The following MAN1C1 variants were observed in gnomAD, a reference collection of about 807,000 sequenced individuals.
MAN1C1 encodes the protein mannosyl-oligosaccharide 1,2-alpha-mannosidase IC.
A neutral mutation model predicts 71.5 loss-of-function variants in MAN1C1; 49 were observed. The ratio of observed to expected loss-of-function variants is 0.69; its 90% confidence interval spans 0.54 to 0.87. The LOEUF is 0.87. MAN1C1 is among the 40% of genes least tolerant of loss of function. MAN1C1 has a pLI of 0.00. For missense variants in MAN1C1, 743 were observed against 835.0 expected, an observed-to-expected ratio of 0.89 and a Z score of 1.36; for synonymous variants, 352 against 343.7, an observed-to-expected ratio of 1.02 and a Z score of -0.27.
chr1:25,724,351 C>A (rs976268421), intron 2 of MAN1C1, among the ~76,000 whole-genome samples: 1 of 152,104 alleles, frequency 6.6e-6, no homozygotes, highest in African/African-American at 2.4e-5. Context: ...TGACTGGGCT[C>A]ACCCTTGTGC....
intron 2 of MAN1C1, among the ~76,000 whole-genome samples, chr1:25,731,463 A>G (rs1572180365): frequency 6.6e-6 from 1 of 152,260 alleles, no homozygotes; most frequent in South Asian, 2.1e-4. Flanking sequence ...CAGTGGCTTC[A>G]GTCGTCTACA....
chr1:25,758,450 T>C (rs1455048866), intron 5 of MAN1C1, 142 bp from the exon 6 acceptor site: 10 of 679,722 alleles, frequency 1.5e-5, no homozygotes, highest in Middle Eastern at 3.3e-4. Context: ...CCAGGGAGGA[T>C]TCACTGAAAT....
rs1001636098 is a variant in MAN1C1, at chr1:25,634,583, G to A, written c.540+16246G>A. 4.6e-5 allele frequency among the ~76,000 whole-genome samples: 7 copies of A among 152,146 alleles called. No individual in the cohort carries two copies. The highest frequency in any genetic ancestry group is 1.4e-4 in the African/African-American group (6 of 41,436). On this transcript the variant is annotated intron_variant, in intron 1 of 11. Coordinates refer to ENST00000374332, the MANE Select transcript of MAN1C1 (RefSeq NM_020379.4). This position sits in a 1 kb window ranked among gnomAD's most constrained non-coding sequence, Gnocchi z 4.6. ...ACCTGTAATCCTAGCACTTTGAGAG[G>A]CTGAGGTGGGAGGATTGCCTGAGCT...
intron 10 of MAN1C1, among the ~76,000 whole-genome samples, chr1:25,781,432 G>A (rs891420291): frequency 6.6e-6 from 1 of 151,946 alleles, no homozygotes; most frequent in African/African-American, 2.4e-5. Flanking sequence ...CAGGCACCAC[G>A]CGGCCACCGC....
intron 2 of MAN1C1, among the ~76,000 whole-genome samples, chr1:25,693,610 G>A (rs1161301299): frequency 6.6e-6 from 1 of 152,150 alleles, no homozygotes; most frequent in Non-Finnish European, 1.5e-5. Flanking sequence ...CAGCTTGGGC[G>A]ACAGAATGAG....
intron 1 of MAN1C1, among the ~76,000 whole-genome samples, chr1:25,674,807 AG>A (rs2046041897): frequency 6.6e-6 from 1 of 152,160 alleles, no homozygotes; most frequent in African/African-American, 2.4e-5. Flanking sequence ...AGTTTATTTA[AG>A]TGTGTGTTTG....
At position 25,616,853 on chromosome 1, in the gene MAN1C1, C is replaced by T. The variant is rs936335668; in HGVS notation, c.-945C>T. ...GTGGAGGCGGCCGGGTGGCTGTGCGCGCGTGTGGGGCGCAGGCTCGGCGGC... is the reference window on the plus strand; with the variant it reads ...GTGGAGGCGGCCGGGTGGCTGTGCGTGCGTGTGGGGCGCAGGCTCGGCGGC... On this transcript the variant is annotated 5_prime_UTR_variant, in exon 1 of 12. Transcript: ENST00000374332. This position sits in a 1 kb window ranked among gnomAD's most constrained non-coding sequence, Gnocchi z 5.6. 1.3e-5 allele frequency among the ~76,000 whole-genome samples: 2 copies of T among 149,036 alleles called. No homozygotes were observed. Among genetic ancestry groups the T allele is most frequent in the African/African-American group, 4.9e-5 (2 of 41,042 alleles).
In MAN1C1 at chr1:25,763,583, A is replaced by G. The variant is rs1006975345; in HGVS notation, c.1048-291A>G. 82 of 328,126 alleles carry G rather than the reference A, an allele frequency of 2.5e-4. 1 individual carries two copies. The highest frequency in any genetic ancestry group is 3.7e-4 in the Admixed American group (8 of 21,378). The allele number at this position is 328,126 out of a possible 1,614,324, so 20.3% of individuals were successfully genotyped here. On this transcript the variant is annotated intron_variant, in intron 6 of 11. Coordinates refer to ENST00000374332, the MANE Select transcript of MAN1C1 (RefSeq NM_020379.4). Reference sequence around the variant, plus strand: ...GGAAGTGTTGAGAGTTGGGTGGGATAGGAGTCGGCCAGGCAGTGGTTCTGG... The same window carrying G: ...GGAAGTGTTGAGAGTTGGGTGGGATGGGAGTCGGCCAGGCAGTGGTTCTGG...
intron 1 of MAN1C1, among the ~76,000 whole-genome samples, chr1:25,680,622 C>T (rs2046138337): frequency 1.3e-5 from 2 of 152,322 alleles, no homozygotes; most frequent in East Asian, 1.9e-4. Context: ...AAGTTTCATC[C>T]ATGCTGTAGC....
rs960932027 is a variant in MAN1C1 at position 25,753,912 on chromosome 1, C to T, written c.929+334C>T. On this transcript the variant is annotated intron_variant, in intron 5 of 11. Transcript: ENST00000374332. The surrounding 1 kb of genome is among the most constrained non-coding windows in gnomAD (Gnocchi z 4.9). ...CCTGGGGTGGGCGGGGGCAGTTCCTCTGGACATCCCACAGTGCTGTCTTGA... is the reference window on the plus strand; with the variant it reads ...CCTGGGGTGGGCGGGGGCAGTTCCTTTGGACATCCCACAGTGCTGTCTTGA... Among the ~76,000 whole-genome samples, 7 of 152,190 alleles carry T rather than the reference C, an allele frequency of 4.6e-5. No homozygotes were observed. The highest frequency in any genetic ancestry group is 1.0e-4 in the Non-Finnish European group (7 of 68,034).
At chr1:25,720,608 C>G (rs1324039155) in intron 2 of MAN1C1, among the ~76,000 whole-genome samples, 1 of 152,324 alleles carries the variant, frequency 6.6e-6, no homozygotes, top group East Asian at 1.9e-4. Context: ...TGCAAGTATT[C>G]TCTTCCATTC....
chr1:25,664,032 G>T (rs1286158565), intron 1 of MAN1C1, among the ~76,000 whole-genome samples: 1 of 152,112 alleles, frequency 6.6e-6, no homozygotes, highest in East Asian at 1.9e-4. Flanking sequence ...GGTTCTTCTT[G>T]GTGCTTCTTT....
At chr1:25,721,513 T>G (rs1282257450) in intron 2 of MAN1C1, among the ~76,000 whole-genome samples, 1 of 152,238 alleles carries the variant, frequency 6.6e-6, no homozygotes, top group Non-Finnish European at 1.5e-5. Flanking sequence ...TTTGTTAAAT[T>G]TATACCTAAG....
intron 2 of MAN1C1, among the ~76,000 whole-genome samples, chr1:25,728,983 T>G (rs970690734): frequency 6.6e-6 from 1 of 152,268 alleles, no homozygotes; most frequent in African/African-American, 2.4e-5. Flanking sequence ...AGAAGGATTC[T>G]GGATCTCCAA....
chr1:25,619,349 C>T (rs572538966), intron 1 of MAN1C1, among the ~76,000 whole-genome samples: 3 of 152,340 alleles, frequency 2.0e-5, no homozygotes, highest in African/African-American at 7.2e-5. Context: ...AGGGCTGCTT[C>T]TGCCTGGACT....
At chr1:25,690,480 A>G (rs1445375492) in intron 2 of MAN1C1, among the ~76,000 whole-genome samples, 8 of 151,960 alleles carry the variant, frequency 5.3e-5, no homozygotes, top group Non-Finnish European at 8.8e-5. Flanking sequence ...TTCAGTAGAG[A>G]CGGGGTTTCA....
At chr1:25,721,918 T>C (rs1402988487) in intron 2 of MAN1C1, among the ~76,000 whole-genome samples, 1 of 152,214 alleles carries the variant, frequency 6.6e-6, no homozygotes, top group East Asian at 1.9e-4. Context: ...TATTTGCTGG[T>C]TCCTTTGTCT....
At chr1:25,661,453 C>T (rs1454710142) in intron 1 of MAN1C1, among the ~76,000 whole-genome samples, 3 of 152,228 alleles carry the variant, frequency 2.0e-5, no homozygotes, top group African/African-American at 7.2e-5. Flanking sequence ...CAGTTTCAAA[C>T]TCTTCCCTCT....
At chr1:25,773,144 C>T (rs993155633) in intron 8 of MAN1C1, among the ~76,000 whole-genome samples, 2 of 152,206 alleles carry the variant, frequency 1.3e-5, no homozygotes, top group African/African-American at 2.4e-5. Flanking sequence ...GCTCCTAAAA[C>T]AGTGCCTGGC....
Sources: allele counts gnomAD v4.1 joint callset (sites outside exome capture counted in the v4.1 genomes callset), GRCh38; gene constraint gnomAD v4.1.1; non-coding constraint Gnocchi (gnomAD v3.1); transcripts MANE v1.5; gene names NCBI Gene and HGNC (gene_info 2026-07-23, HGNC 2026-07-21).